SPATA31G1: variants seen among roughly 807,000 people sequenced by gnomAD.
SPATA31G1 encodes spermatogenesis-associated protein 31G1.
the SPATA31G1 span, chr9:35,044,266 C>A: frequency 1.9e-6 from 3 of 1,614,078 alleles, no homozygotes; most frequent in African/African-American, 4.0e-5. Context: ...TGGAAGGATA[C>A]TGAGCATTCC....
the SPATA31G1 span, chr9:35,042,633 TGA>T: frequency 3.9e-6 from 5 of 1,294,640 alleles, no homozygotes; most frequent in Non-Finnish European, 5.4e-6. Flanking sequence ...TGAAGCCAGG[TGA>T]GTGACCATGG....
chr9:35,043,082 G>T, the SPATA31G1 span: 1 of 1,614,164 alleles, frequency 6.2e-7, no homozygotes, highest in South Asian at 1.1e-5. Flanking sequence ...AGGCTATAGG[G>T]ATACCAGAGC....
chr9:35,042,334 C>T, the SPATA31G1 span: 1 of 1,614,230 alleles, frequency 6.2e-7, no homozygotes. Context: ...CATGCCCTAG[C>T]CTGCAGACAC....
the SPATA31G1 span, chr9:35,044,030 C>T: frequency 6.2e-6 from 10 of 1,613,604 alleles, no homozygotes; most frequent in South Asian, 8.8e-5. Flanking sequence ...TCCCTGCAGA[C>T]CCAGTTTCAC....
the SPATA31G1 span, chr9:35,044,512 G>A: frequency 3.1e-6 from 5 of 1,613,948 alleles, no homozygotes; most frequent in Non-Finnish European, 4.2e-6. Context: ...TCTATTGTAG[G>A]GGAAATGGAG....
the SPATA31G1 span, chr9:35,044,192 A>C: frequency 6.2e-7 from 1 of 1,614,020 alleles, no homozygotes; most frequent in Non-Finnish European, 8.5e-7. Context: ...GCACACCTCC[A>C]ACCACCCTTA....
chr9:35,045,408 C>T, the SPATA31G1 span: 12 of 1,614,170 alleles, frequency 7.4e-6, no homozygotes, highest in Non-Finnish European at 9.3e-6. Context: ...CTCTAAGGTT[C>T]TGGTCTCAGG....
the SPATA31G1 span, chr9:35,045,829 TGG>T: frequency 6.2e-7 from 1 of 1,613,044 alleles, no homozygotes; most frequent in Non-Finnish European, 8.5e-7. Flanking sequence ...GCCAAATGCC[TGG>T]ATAACCATCG....
the SPATA31G1 span, chr9:35,041,902 A>G: frequency 5.4e-6 from 1 of 186,076 alleles, no homozygotes; most frequent in Non-Finnish European, 1.1e-5. Context: ...TCTATAAAAT[A>G]AAGATAATGA....
chr9:35,045,635 T>A, the SPATA31G1 span: 2 of 1,614,054 alleles, frequency 1.2e-6, no homozygotes, highest in Admixed American at 1.7e-5. Flanking sequence ...CTCAACACAC[T>A]GCTCTTCCCC....
At chr9:35,045,800 G>A in the SPATA31G1 span, 1 of 1,614,072 alleles carries the variant, frequency 6.2e-7, no homozygotes, top group Non-Finnish European at 8.5e-7. Context: ...CCCTTACCAG[G>A]GGTTTGCAAA....
chr9:35,043,408 T>C, the SPATA31G1 span: 2 of 1,614,088 alleles, frequency 1.2e-6, no homozygotes, highest in East Asian at 2.2e-5. Context: ...GCCCATACTA[T>C]GGAAGATCTA....
At chr9:35,042,113 T>C in the SPATA31G1 span, 249 of 1,285,134 alleles carry the variant, frequency 1.9e-4, no homozygotes, top group African/African-American at 3.5e-3. Flanking sequence ...GTGTGAAGCA[T>C]GAATTGCCTG....
chr9:35,043,986 T>C, the SPATA31G1 span: 25 of 1,612,940 alleles, frequency 1.5e-5, no homozygotes, highest in Non-Finnish European at 4.2e-6. Flanking sequence ...TGAGACACCA[T>C]GGAAGGGCAT....
chr9:35,042,847 T>C, the SPATA31G1 span: 2 of 1,606,676 alleles, frequency 1.2e-6, no homozygotes, highest in Non-Finnish European at 1.7e-6. Context: ...AGAATATCTT[T>C]ATCTACTTCC....
the SPATA31G1 span, chr9:35,044,856 C>G: frequency 1.9e-6 from 3 of 1,614,018 alleles, no homozygotes; most frequent in Non-Finnish European, 2.5e-6. Flanking sequence ...GAAGATTGAA[C>G]GCACTCATCC....
the SPATA31G1 span, chr9:35,045,134 C>CCCCAAT: frequency 6.2e-7 from 1 of 1,614,102 alleles, no homozygotes; most frequent in Non-Finnish European, 8.5e-7. Flanking sequence ...AGATTTATCC[C>CCCCAAT]CCCAATCCAT....
At chr9:35,042,302 G>A in the SPATA31G1 span, 2 of 1,614,182 alleles carry the variant, frequency 1.2e-6, no homozygotes, top group South Asian at 2.2e-5. Context: ...GGGATATGGG[G>A]CTTCTCTGGG....
the SPATA31G1 span, chr9:35,041,999 G>A: frequency 1.7e-4 from 76 of 451,580 alleles, no homozygotes; most frequent in South Asian, 7.3e-4. Context: ...ACAGAGCTAT[G>A]ATTTGAATAA....
Sources: allele counts gnomAD v4.1 joint callset, GRCh38; gene constraint gnomAD v4.1.1; transcripts MANE v1.5; gene names NCBI Gene and HGNC (gene_info 2026-07-23, HGNC 2026-07-21).